Variants in RBFOX1 observed in about 807,000 individuals in gnomAD.
RBFOX1 encodes RNA binding fox-1 homolog 1.
Under a neutral mutation model 57.7 loss-of-function variants are expected in RBFOX1, and 8 were observed. The observed-to-expected ratio is 0.14, with a 90% confidence interval of 0.08 to 0.25. RBFOX1 has a LOEUF of 0.25. Ranked by LOEUF, RBFOX1 falls within the 10% of genes least tolerant of loss-of-function variation. The pLI is 1.00. For synonymous variants in RBFOX1, 326 were observed against 222.4 expected (o/e 1.47, Z -4.15); for missense variants, 611 against 548.5 (o/e 1.11, Z -1.14).
At chr16:6,149,779 T>C (rs1210393507) in intron 1 of RBFOX1, among the ~76,000 whole-genome samples, 2 of 152,224 alleles carry the variant, frequency 1.3e-5, no homozygotes, top group African/African-American at 4.8e-5. Context: ...ACCTGCACTT[T>C]AGCAATGTTG....
chr16:6,399,745 G>T (rs527546089), intron 2 of RBFOX1, among the ~76,000 whole-genome samples: 5 of 152,088 alleles, frequency 3.3e-5, no homozygotes, highest in African/African-American at 4.8e-5. Flanking sequence ...CTGCTATGAA[G>T]AAATACCTGA....
chr16:6,791,046 C>T (rs1328692216), intron 3 of RBFOX1, among the ~76,000 whole-genome samples: 1 of 152,014 alleles, frequency 6.6e-6, no homozygotes, highest in African/African-American at 2.4e-5. Context: ...GATGGGACCA[C>T]AGGCATGCCA....
intron 3 of RBFOX1, among the ~76,000 whole-genome samples, chr16:5,655,998 C>T (rs2049417084): frequency 6.6e-6 from 1 of 152,190 alleles, no homozygotes; most frequent in Non-Finnish European, 1.5e-5. Flanking sequence ...CAGCCACTTT[C>T]ACAGTGTTGG....
At chr16:6,211,165 ATGAGACAGAGTGTTTTCTTC>A (rs1299434562) in intron 1 of RBFOX1, among the ~76,000 whole-genome samples, 4 of 148,798 alleles carry the variant, frequency 2.7e-5, no homozygotes, top group Admixed American at 2.7e-4. Flanking sequence ...TTTTGCTTCC[ATGAGACAGAGTGTTTTCTTC>A]TTCTTTTTTT....
intron 5 of RBFOX1, among the ~76,000 whole-genome samples, chr16:7,528,265 C>G (rs1379548025): frequency 6.6e-6 from 1 of 152,136 alleles, no homozygotes; most frequent in Non-Finnish European, 1.5e-5. Flanking sequence ...TCATTTGGTG[C>G]TTTGTGCTTA....
At chr16:7,040,081 C>T (rs1219583575) in intron 3 of RBFOX1, among the ~76,000 whole-genome samples, 1 of 151,852 alleles carries the variant, frequency 6.6e-6, no homozygotes, top group East Asian at 1.9e-4. Flanking sequence ...AGTGCAGTGA[C>T]ATGATCTCAG....
intron 1 of RBFOX1, among the ~76,000 whole-genome samples, chr16:6,275,321 A>T (rs373465193): frequency 3.9e-4 from 56 of 142,924 alleles, no homozygotes; most frequent in South Asian, 1.4e-3. Context: ...AAAAAAAAAA[A>T]GAAAAAGAAA....
chr16:6,833,384 C>T (rs566512731), intron 3 of RBFOX1, among the ~76,000 whole-genome samples: 1 of 152,128 alleles, frequency 6.6e-6, no homozygotes, highest in Admixed American at 6.5e-5. Flanking sequence ...TTCCGCTGTT[C>T]TCAAACTCCT....
chr16:6,811,716 C>A (rs35998747), intron 3 of RBFOX1, among the ~76,000 whole-genome samples: 59,357 of 151,772 alleles, frequency 0.39, 12,573 homozygotes, highest in Non-Finnish European at 0.46. Context: ...ATGGTGAAAT[C>A]CCATCTCTTC....
intron 1 of RBFOX1, chr16:6,090,162 A>C (rs9930996): frequency 0.56 from 85,783 of 151,912 alleles, 25,203 homozygotes; most frequent in African/African-American, 0.71. Flanking sequence ...TTTTCACATC[A>C]TGTCACTCCA....
intron 3 of RBFOX1, among the ~76,000 whole-genome samples, chr16:5,705,218 C>T (rs1359532110): frequency 6.6e-6 from 1 of 152,194 alleles, no homozygotes; most frequent in Non-Finnish European, 1.5e-5. Flanking sequence ...TCCATCAGCA[C>T]CAAAACCAGC....
intron 3 of RBFOX1, among the ~76,000 whole-genome samples, chr16:6,931,340 T>TATCTACACACAC (rs1555640312): frequency 1.9e-5 from 2 of 106,938 alleles, no homozygotes; most frequent in African/African-American, 6.6e-5. Context: ...TATCTATCTC[T>TATCTACACACAC]ACACACACAC....
In RBFOX1 at chr16:7,284,137, A is replaced by C. The variant is rs939160961; in HGVS notation, c.27+232039A>C. ...TCCTTCTTCCCTTTTATTGCTGAGT[A>C]GCATTCTGTGGTACAGATGCACTAT... On this transcript the variant is annotated intron_variant, in intron 4 of 15. Coordinates refer to ENST00000550418, the MANE Select transcript of RBFOX1 (RefSeq NM_018723.4). 5.3e-5 allele frequency among the ~76,000 whole-genome samples: 8 copies of C among 152,336 alleles called. No homozygotes were observed. In the South Asian group the frequency reaches 1.7e-3, roughly 32 times the overall value.
chr16:6,337,268 T>C (rs1328945952), intron 2 of RBFOX1, among the ~76,000 whole-genome samples: 1 of 152,174 alleles, frequency 6.6e-6, no homozygotes, highest in African/African-American at 2.4e-5. Flanking sequence ...CCTTTAATGG[T>C]GCATTTAAAG....
At chr16:6,999,206 AT>A (rs1220412235) in intron 3 of RBFOX1, among the ~76,000 whole-genome samples, 805 of 72,052 alleles carry the variant, frequency 0.011, 9 homozygotes, top group East Asian at 0.054. Context: ...TTTATTTTTT[AT>A]TTTTATTTAT....
intron 4 of RBFOX1, among the ~76,000 whole-genome samples, chr16:5,924,340 A>G (rs765508926): frequency 4.6e-5 from 7 of 152,146 alleles, no homozygotes; most frequent in African/African-American, 1.4e-4. Context: ...TCATGTTAAA[A>G]TTTGATTGCT....
At chr16:5,836,553 C>T (rs777878099) in intron 3 of RBFOX1, among the ~76,000 whole-genome samples, 5 of 152,224 alleles carry the variant, frequency 3.3e-5, no homozygotes, top group Non-Finnish European at 7.3e-5. Context: ...ACTTCATCCC[C>T]AAGTCCTGCC....
intron 4 of RBFOX1, among the ~76,000 whole-genome samples, chr16:6,010,260 G>C (rs1000263714): frequency 6.6e-6 from 1 of 152,112 alleles, no homozygotes; most frequent in Non-Finnish European, 1.5e-5. Flanking sequence ...AGTGGTATAG[G>C]ATTAACACCT....
intron 2 of RBFOX1, among the ~76,000 whole-genome samples, chr16:6,435,605 G>T (rs749103965): frequency 3.3e-5 from 5 of 152,142 alleles, no homozygotes; most frequent in Non-Finnish European, 5.9e-5. Context: ...TGCCTGGCCA[G>T]TATTCGTTTT....
Sources: gnomAD v4.1 joint callset for allele counts (sites outside exome capture counted in the v4.1 genomes callset) on GRCh38, gnomAD v4.1.1 for gene constraint, MANE v1.5 for transcripts, NCBI Gene and HGNC (gene_info 2026-07-23, HGNC 2026-07-21) for gene names.